The following PUM1 variants were observed in gnomAD, a reference collection of about 807,000 sequenced individuals.
PUM1 encodes the protein pumilio RNA binding family member 1, also known as pumilio homolog 1.
A neutral mutation model predicts 131.8 loss-of-function variants in PUM1; 13 were observed. That is an observed-to-expected ratio of 0.10 (90% CI 0.06 to 0.16). PUM1 has a LOEUF of 0.16. Among genes scored for constraint, PUM1 ranks in the 10% least tolerant of loss-of-function variants. The pLI, the probability that PUM1 is intolerant of heterozygous loss-of-function variation, is 1.00. For synonymous variants in PUM1, 509 were observed against 556.5 expected (o/e 0.91, Z 1.20); for missense variants, 961 against 1,512.4 (o/e 0.64, Z 6.05).
At chr1:31,039,128 C>T (rs1221081401) in intron 2 of PUM1, among the ~76,000 whole-genome samples, 1 of 149,130 alleles carries the variant, frequency 6.7e-6, no homozygotes. Context: ...GCCTGAGTAG[C>T]TGGGACTACA....
intron 15 of PUM1, among the ~76,000 whole-genome samples, chr1:30,952,675 G>A (rs12137022): frequency 0.021 from 521 of 24,960 alleles, 5 homozygotes; most frequent in Non-Finnish European, 0.027. Context: ...AGATGAAAGC[G>A]GGGGGGGCGG....
intron 3 of PUM1, among the ~76,000 whole-genome samples, chr1:31,025,713 G>A (rs991271076): frequency 1.3e-5 from 2 of 151,648 alleles, no homozygotes; most frequent in Non-Finnish European, 2.9e-5. Flanking sequence ...ACACCATCAC[G>A]CCCAGCTAAT....
In PUM1 at chr1:30,965,998, T is replaced by G. The variant is rs901896758; in HGVS notation, c.2070A>C (p.Gly690=). ...SLGATLGSAL[G]GFGTAVANSN... The stretch of plus-strand genomic sequence containing the variant: ...AATTTCTACCTGCTGTTCCAAACCC[T>G]CCAAGGGCGGATCCCAGGGTGGCGC... The change falls in exon 13 of 22, where the codon GGA becomes GGC. Residue 690 remains glycine (G), a synonymous_variant. Transcript: ENST00000426105. The G allele has an allele frequency of 2.5e-6, 4 of 1,613,686 alleles. No individual in the cohort carries two copies. Among genetic ancestry groups the G allele is most frequent in the Admixed American group, 3.3e-5 (2 of 59,982 alleles).
chr1:30,988,238 CAACT>C (rs1205212979), intron 7 of PUM1, among the ~76,000 whole-genome samples: 16 of 152,308 alleles, frequency 1.1e-4, no homozygotes, highest in African/African-American at 3.1e-4. Flanking sequence ...ACCAGACAAC[CAACT>C]GACTCATCAA....
chr1:30,989,519 C>A (rs1167209945), intron 7 of PUM1, among the ~76,000 whole-genome samples: 1 of 133,434 alleles, frequency 7.5e-6, no homozygotes, highest in Non-Finnish European at 1.5e-5. Context: ...TTGCAGTGAG[C>A]CAAGATCGTA....
intron 5 of PUM1, among the ~76,000 whole-genome samples, chr1:31,002,358 T>A (rs72657298): frequency 0.072 from 10,916 of 152,128 alleles, 651 homozygotes; most frequent in East Asian, 0.28. Context: ...TCCCAATATA[T>A]TTTTTCTAAA....
intron 21 of PUM1, among the ~76,000 whole-genome samples, chr1:30,935,306 A>C (rs1639156116): frequency 1.3e-5 from 2 of 151,860 alleles, no homozygotes; most frequent in Non-Finnish European, 2.9e-5. Context: ...AAGGGTCATC[A>C]CTCTATTAAG....
At chr1:31,057,361 A>G (rs970954773) in intron 2 of PUM1, among the ~76,000 whole-genome samples, 9 of 138,808 alleles carry the variant, frequency 6.5e-5, no homozygotes, top group South Asian at 2.3e-4. Flanking sequence ...CAATATCATC[A>G]TATCACCACA....
chr1:31,012,522 A>C (rs902570832), intron 3 of PUM1, among the ~76,000 whole-genome samples: 1 of 148,840 alleles, frequency 6.7e-6, no homozygotes, highest in African/African-American at 2.5e-5. Flanking sequence ...CTGAATCGTA[A>C]GTTTATAAAA....
intron 9 of PUM1, among the ~76,000 whole-genome samples, chr1:30,975,557 T>C (rs1641103877): frequency 6.9e-6 from 1 of 145,030 alleles, no homozygotes; most frequent in Admixed American, 7.1e-5. Flanking sequence ...GAGGTCTGTG[T>C]TGCCCCAGGC....
intron 3 of PUM1, among the ~76,000 whole-genome samples, chr1:31,021,435 T>C (rs1643022856): frequency 6.6e-6 from 1 of 152,226 alleles, no homozygotes; most frequent in African/African-American, 2.4e-5. Flanking sequence ...GAGGAAACTA[T>C]GCTTAGGAAA....
chr1:31,000,523 T>C (rs1264238433), intron 5 of PUM1, among the ~76,000 whole-genome samples: 1 of 152,164 alleles, frequency 6.6e-6, no homozygotes, highest in East Asian at 1.9e-4. Context: ...ATCCATGCAC[T>C]TATGGCTCAA....
At chr1:30,973,162 G>A in intron 10 of PUM1, 1 of 154,126 alleles carries the variant, frequency 6.5e-6, no homozygotes, top group Middle Eastern at 5.2e-4. Flanking sequence ...TACAAGAACT[G>A]TATCTGTTGC....
chr1:31,016,584 T>C (rs1319221752), intron 3 of PUM1, among the ~76,000 whole-genome samples: 1 of 152,158 alleles, frequency 6.6e-6, no homozygotes, highest in Non-Finnish European at 1.5e-5. Flanking sequence ...ATGTTAAATG[T>C]TAAAATTTGT....
intron 1 of PUM1, among the ~76,000 whole-genome samples, chr1:31,060,469 A>T (rs1033472823): frequency 1.1e-4 from 17 of 152,050 alleles, no homozygotes; most frequent in Admixed American, 1.1e-3. Flanking sequence ...TCAAAAAATC[A>T]ATCAATCAAT....
rs1640720899 is a variant in PUM1, at chr1:30,968,495, G to A, written c.1507-3C>T. 6.3e-7 allele frequency: 1 copy of A among 1,589,886 alleles called. No individual in the cohort carries two copies. The highest frequency in any genetic ancestry group is 8.5e-7 in the Non-Finnish European group (1 of 1,173,736). Reference sequence around the variant, plus strand: ...TGGCTGGCTCCTCCACGGAGAACCTGGGAAAGGAAGACAGAAATAACTCAA... The same window carrying A: ...TGGCTGGCTCCTCCACGGAGAACCTAGGAAAGGAAGACAGAAATAACTCAA... On this transcript the variant is annotated splice_region_variant and splice_polypyrimidine_tract_variant and intron_variant, in intron 10 of 21. Transcript: ENST00000426105.
chr1:31,034,741 C>T (rs1324490564), intron 2 of PUM1, among the ~76,000 whole-genome samples: 1 of 152,144 alleles, frequency 6.6e-6, no homozygotes, highest in African/African-American at 2.4e-5. Context: ...ACTGCCTTTG[C>T]TAGATTATTT....
At chr1:30,988,138 G>A (rs1021003223) in intron 7 of PUM1, among the ~76,000 whole-genome samples, 16 of 151,936 alleles carry the variant, frequency 1.1e-4, no homozygotes, top group South Asian at 8.3e-4. Flanking sequence ...AGAAGTTCAC[G>A]GCACACACAA....
At chr1:31,041,666 CCT>C (rs1377189593) in intron 2 of PUM1, among the ~76,000 whole-genome samples, 1 of 152,084 alleles carries the variant, frequency 6.6e-6, no homozygotes, top group Non-Finnish European at 1.5e-5. Context: ...TCTCCAGCTC[CCT>C]CTCTTGACCA....
Sources: allele counts gnomAD v4.1 joint callset (sites outside exome capture counted in the v4.1 genomes callset), GRCh38; gene constraint gnomAD v4.1.1; transcripts MANE v1.5; gene names NCBI Gene and HGNC (gene_info 2026-07-23, HGNC 2026-07-21).